PALLD: variants seen among roughly 807,000 people sequenced by gnomAD.
PALLD encodes palladin, cytoskeletal associated protein.
Under a neutral mutation model 123.5 loss-of-function variants are expected in PALLD, and 61 were observed. The observed-to-expected ratio is 0.49, with a 90% confidence interval of 0.40 to 0.61. PALLD has a LOEUF of 0.61. Ranked by LOEUF, PALLD falls within the 20% of genes least tolerant of loss-of-function variation. PALLD has a pLI of 0.00. For missense variants in PALLD, 1,273 were observed against 1,377.0 expected (o/e 0.92, Z 1.20); for synonymous variants, 465 against 496.4 (o/e 0.94, Z 0.84).
intron 13 of PALLD, chr4:168,898,241 A>G: frequency 1.9e-6 from 1 of 527,424 alleles, no homozygotes; most frequent in Non-Finnish European, 3.4e-6. Flanking sequence ...CAGAGAAAAG[A>G]AGGAAAAAAA....
chr4:168,854,748 A>G (rs1036159898), intron 10 of PALLD, among the ~76,000 whole-genome samples: 48 of 152,304 alleles, frequency 3.2e-4, no homozygotes, highest in African/African-American at 1.1e-3. Context: ...AAAAAGGACG[A>G]CAGAGAGGAA....
chr4:168,594,315 C>A (rs1771759374), intron 2 of PALLD, among the ~76,000 whole-genome samples: 1 of 152,050 alleles, frequency 6.6e-6, no homozygotes, highest in African/African-American at 2.4e-5. Flanking sequence ...ACAAGCAAGG[C>A]ATGTGAAAGC....
At chr4:168,680,411 G>A (rs1781428530) in intron 3 of PALLD, among the ~76,000 whole-genome samples, 1 of 145,652 alleles carries the variant, frequency 6.9e-6, no homozygotes, top group East Asian at 2.1e-4. Context: ...GAACCCAGGA[G>A]GCAGAGGTTG....
intron 10 of PALLD, among the ~76,000 whole-genome samples, chr4:168,846,674 AC>A (rs1374214158): frequency 6.6e-6 from 1 of 152,184 alleles, no homozygotes; most frequent in Non-Finnish European, 1.5e-5. Context: ...CATGTAAATC[AC>A]AGTCTACCCA....
At chr4:168,888,123 C>T (rs1218043139) in intron 10 of PALLD, among the ~76,000 whole-genome samples, 1 of 152,100 alleles carries the variant, frequency 6.6e-6, no homozygotes, top group African/African-American at 2.4e-5. Context: ...GCAAACTATG[C>T]ACGTGTTTGT....
chr4:168,525,720 T>G (rs1389411742), intron 2 of PALLD, among the ~76,000 whole-genome samples: 1 of 152,176 alleles, frequency 6.6e-6, no homozygotes, highest in South Asian at 2.1e-4. Flanking sequence ...CCCTTAGTAA[T>G]AGTTTAAACA....
chr4:168,678,245 C>G (rs1781067003), intron 3 of PALLD, among the ~76,000 whole-genome samples: 1 of 152,092 alleles, frequency 6.6e-6, no homozygotes, highest in Non-Finnish European at 1.5e-5. Flanking sequence ...TCCTTGGTGT[C>G]CTTGTCTATA....
intron 2 of PALLD, among the ~76,000 whole-genome samples, chr4:168,534,255 G>A (rs1580177467): frequency 6.6e-6 from 1 of 152,192 alleles, no homozygotes; most frequent in African/African-American, 2.4e-5. Flanking sequence ...TCAGGACACA[G>A]AGGTGAGACC....
rs547518360 is a variant in PALLD at position 168,578,743 on chromosome 4, T to C, written c.908+66331T>C. On this transcript the variant is annotated intron_variant, in intron 2 of 21. Transcript: ENST00000505667. ...ACAGATGATAGATGATTGATAGATA[T>C]CATAGGTAGATAAATATGTTGGTAG... Among the ~76,000 whole-genome samples the C allele has an allele frequency of 1.6e-4, 25 of 152,092 alleles. No homozygotes were observed. The South Asian group carries it at 4.4e-3, about 26-fold the overall frequency.
intron 2 of PALLD, among the ~76,000 whole-genome samples, chr4:168,521,662 C>G (rs1763577552): frequency 6.6e-6 from 1 of 152,132 alleles, no homozygotes. Flanking sequence ...TTCTTTTATA[C>G]TACTAAGTAT....
chr4:168,542,971 G>A (rs532154959), intron 2 of PALLD, among the ~76,000 whole-genome samples: 31 of 151,508 alleles, frequency 2.0e-4, no homozygotes, highest in Non-Finnish European at 3.7e-4. Flanking sequence ...TTCCATTTCC[G>A]TATGACCTAA....
intron 10 of PALLD, among the ~76,000 whole-genome samples, chr4:168,872,252 G>A (rs1459871315): frequency 6.6e-6 from 1 of 152,160 alleles, no homozygotes. Flanking sequence ...TTTTTCTGTG[G>A]CAGAGCCAAA....
At chr4:168,619,531 G>T (rs1774551188) in intron 2 of PALLD, among the ~76,000 whole-genome samples, 1 of 152,226 alleles carries the variant, frequency 6.6e-6, no homozygotes, top group Admixed American at 6.5e-5. Flanking sequence ...CTCTTCAGGT[G>T]CCTGGTCTGG....
intron 2 of PALLD, among the ~76,000 whole-genome samples, chr4:168,610,967 T>C (rs892892216): frequency 1.3e-5 from 2 of 152,160 alleles, no homozygotes; most frequent in Non-Finnish European, 1.5e-5. Flanking sequence ...GTCACAGGTA[T>C]ATTATCAAAT....
intron 10 of PALLD, among the ~76,000 whole-genome samples, chr4:168,751,716 C>T (rs558855311): frequency 2.0e-5 from 3 of 152,292 alleles, no homozygotes; most frequent in East Asian, 1.9e-4. Flanking sequence ...CATGTTCATT[C>T]GGTAGGACAG....
chr4:168,564,788 T>G (rs1768202366), intron 2 of PALLD, among the ~76,000 whole-genome samples: 1 of 152,104 alleles, frequency 6.6e-6, no homozygotes, highest in Non-Finnish European at 1.5e-5. Context: ...TTAGAGAAAA[T>G]CACTATAGAT....
At position 168,668,197 on chromosome 4, in the gene PALLD, T is replaced by A; in HGVS notation, c.916T>A (p.Cys306Ser). 4.3e-6 allele frequency: 7 copies of A among 1,613,942 alleles called. No individual in the cohort carries two copies. The highest frequency in any genetic ancestry group is 5.9e-6 in the Non-Finnish European group (7 of 1,179,746). Residue 306 changes from cysteine (C) to serine (S), a missense_variant, in exon 3 of 22, where the codon TGT becomes AGT. Cys to Ser is a moderately radical substitution (Grantham distance 112). Around this residue, in one of 2 missense-constraint regions of PALLD, gnomAD observed 944 missense variants for 954.5 expected, o/e 0.99. Coordinates refer to ENST00000505667, the MANE Select transcript of PALLD (RefSeq NM_001166108.2). ...GNPTPRVRWF[C>S]EGKELHNTPD... ...CCTCCATTTGGCCTGCAGATGGTTC[T>A]GTGAAGGGAAAGAACTGCACAACAC...
chr4:168,657,464 A>G (rs1412310714), intron 2 of PALLD, among the ~76,000 whole-genome samples: 1 of 152,238 alleles, frequency 6.6e-6, no homozygotes, highest in Non-Finnish European at 1.5e-5. Flanking sequence ...ACTGGACCAC[A>G]GTCAACTTAG....
chr4:168,691,531 C>G (rs191805373), intron 8 of PALLD, among the ~76,000 whole-genome samples: 1 of 152,302 alleles, frequency 6.6e-6, no homozygotes, highest in Non-Finnish European at 1.5e-5. Context: ...ACAAGAAGGT[C>G]AAGCTCAGTG....
Sources: gnomAD v4.1 joint callset for allele counts (sites outside exome capture counted in the v4.1 genomes callset) on GRCh38, gnomAD v4.1.1 for gene constraint, gnomAD v4.1.1 regional missense constraint, MANE v1.5 for transcripts, NCBI Gene and HGNC (gene_info 2026-07-23, HGNC 2026-07-21) for gene names.